The following CNTN5 variants were observed in gnomAD, a reference collection of about 807,000 sequenced individuals.
The protein encoded by CNTN5 is contactin-5.
CNTN5 carries 77 observed loss-of-function variants against 129.1 expected under a neutral mutation model. That is an observed-to-expected ratio of 0.60 (90% CI 0.50 to 0.72). The LOEUF is 0.72. Among genes scored for constraint, CNTN5 ranks in the 30% least tolerant of loss-of-function variants. The pLI is 0.00. For synonymous variants in CNTN5, 509 were observed against 465.6 expected, an observed-to-expected ratio of 1.09 and a Z score of -1.20; for missense variants, 1,478 against 1,328.8, an observed-to-expected ratio of 1.11 and a Z score of -1.75.
At chr11:99,043,504 G>C (rs1864089740) in intron 1 of CNTN5, among the ~76,000 whole-genome samples, 1 of 152,062 alleles carries the variant, frequency 6.6e-6, no homozygotes, top group African/African-American at 2.4e-5. Context: ...AATAACAGTA[G>C]AATATATAAT....
At chr11:99,548,033 G>C (rs766324761) in intron 2 of CNTN5, among the ~76,000 whole-genome samples, 3 of 152,296 alleles carry the variant, frequency 2.0e-5, no homozygotes, top group Non-Finnish European at 4.4e-5. Flanking sequence ...ACTTAGAACA[G>C]TACCTGGCAG....
intron 3 of CNTN5, among the ~76,000 whole-genome samples, chr11:99,571,453 G>A (rs1949171693): frequency 6.6e-6 from 1 of 152,070 alleles, no homozygotes; most frequent in African/African-American, 2.4e-5. Context: ...ATGTATTCAG[G>A]GGAGGGAAAC....
At chr11:99,748,453 G>T (rs1304475667) in intron 3 of CNTN5, among the ~76,000 whole-genome samples, 1 of 151,884 alleles carries the variant, frequency 6.6e-6, no homozygotes, top group Non-Finnish European at 1.5e-5. Context: ...TGTTAAAAAG[G>T]GGATTTATAA....
rs184434368 is a variant in CNTN5 at position 99,276,988 on chromosome 11, C to T, written c.-209-48358C>T. On this transcript the variant is annotated intron_variant, in intron 1 of 24. Transcript: ENST00000524871. Reference sequence around the variant, plus strand: ...GATATGTGATATAAACTTTAAAAAACAACTCTACTCATTTATTTCTATTAC... The same window carrying T: ...GATATGTGATATAAACTTTAAAAAATAACTCTACTCATTTATTTCTATTAC... 3.4e-3 allele frequency among the ~76,000 whole-genome samples: 520 copies of T among 151,644 alleles called. 14 individuals carry two copies. Among genetic ancestry groups the T allele is most frequent in the Middle Eastern group, 3.4e-3 (1 of 292 alleles).
chr11:100,308,213 C>G (rs1036469127), intron 20 of CNTN5, 146 bp from the exon 21 acceptor site: 41 of 651,498 alleles, frequency 6.3e-5, no homozygotes, highest in Non-Finnish European at 1.0e-4. Context: ...AAAGGATCAC[C>G]TTTATATTTT....
intron 8 of CNTN5, among the ~76,000 whole-genome samples, chr11:99,968,043 T>C (rs1951142274): frequency 6.6e-6 from 1 of 152,164 alleles, no homozygotes; most frequent in South Asian, 2.1e-4. Flanking sequence ...AGCAAAGATA[T>C]AGCAAAGCTG....
In CNTN5 at chr11:99,981,105, C is replaced by CACAT. The variant is rs1555171336; in HGVS notation, c.878-20926_878-20925insTACA. Among the ~76,000 whole-genome samples, 11 of 65,934 alleles carry CACAT rather than the reference C, an allele frequency of 1.7e-4. 1 individual carries two copies. The East Asian group carries it at 4.0e-3, about 24-fold the overall frequency. 43.3% of individuals were successfully genotyped at this position (65,934 alleles called of 152,430 possible). ...ATATATATATATATATATATATATA[C>CACAT]ACACACACACACATATATGAAAGAG... is the stretch of plus-strand genomic sequence containing the variant. On this transcript the variant is annotated intron_variant, in intron 8 of 24. Transcript: ENST00000524871.
chr11:99,670,321 C>T (rs1952980476), intron 3 of CNTN5, among the ~76,000 whole-genome samples: 1 of 152,066 alleles, frequency 6.6e-6, no homozygotes, highest in South Asian at 2.1e-4. Flanking sequence ...AAAGAAATCC[C>T]CATTGAAGAA....
chr11:99,439,320 A>C (rs1354884447), intron 2 of CNTN5, among the ~76,000 whole-genome samples: 1 of 151,868 alleles, frequency 6.6e-6, no homozygotes, highest in East Asian at 1.9e-4. Flanking sequence ...GTGTGTATAT[A>C]TATTTAAGAT....
intron 16 of CNTN5, among the ~76,000 whole-genome samples, chr11:100,236,832 G>A (rs1044894533): frequency 6.6e-6 from 1 of 152,116 alleles, no homozygotes; most frequent in African/African-American, 2.4e-5. Flanking sequence ...AGCCTGGAAT[G>A]TACAGCCTTT....
intron 16 of CNTN5, among the ~76,000 whole-genome samples, chr11:100,236,638 T>G (rs1012535986): frequency 1.3e-4 from 20 of 152,234 alleles, no homozygotes; most frequent in Admixed American, 3.3e-4. Context: ...CTTTGTGTGT[T>G]TCAGTCTCCA....
chr11:99,940,163 G>A (rs1950403712), intron 7 of CNTN5, among the ~76,000 whole-genome samples: 1 of 152,146 alleles, frequency 6.6e-6, no homozygotes, highest in African/African-American at 2.4e-5. Context: ...GCAGAGGACA[G>A]TCTCTCATGA....
intron 6 of CNTN5, among the ~76,000 whole-genome samples, chr11:99,846,514 T>C (rs1947704190): frequency 5.3e-5 from 8 of 152,054 alleles, no homozygotes; most frequent in Admixed American, 2.6e-4. Context: ...TAATAAGTAA[T>C]CCTACTTGAA....
intron 3 of CNTN5, among the ~76,000 whole-genome samples, chr11:99,786,092 A>G (rs1167481249): frequency 1.3e-5 from 2 of 152,138 alleles, no homozygotes; most frequent in African/African-American, 2.4e-5. Flanking sequence ...ACATGATTGT[A>G]TCTTTAGAAA....
chr11:99,486,880 A>G (rs1369629232), intron 2 of CNTN5, among the ~76,000 whole-genome samples: 2 of 152,126 alleles, frequency 1.3e-5, no homozygotes, highest in Non-Finnish European at 2.9e-5. Context: ...AAAATTTTTT[A>G]TTGGCTATAA....
chr11:100,040,386 G>T (rs529435086), intron 9 of CNTN5, among the ~76,000 whole-genome samples: 34 of 152,320 alleles, frequency 2.2e-4, no homozygotes, highest in Middle Eastern at 6.8e-3. Flanking sequence ...CCTACTTGGG[G>T]GTGCCTCCCA....
intron 3 of CNTN5, among the ~76,000 whole-genome samples, chr11:99,680,753 A>G (rs1953514774): frequency 6.6e-6 from 1 of 151,986 alleles, no homozygotes; most frequent in South Asian, 2.1e-4. Flanking sequence ...TAGAAGAATC[A>G]CCGGCTGTAG....
chr11:100,238,161 G>T (rs1949659340), intron 16 of CNTN5, among the ~76,000 whole-genome samples: 1 of 152,056 alleles, frequency 6.6e-6, no homozygotes, highest in Non-Finnish European at 1.5e-5. Flanking sequence ...AAGGTCTTTG[G>T]ATTACCAGAA....
chr11:99,754,047 A>G (rs1944330703), intron 3 of CNTN5, among the ~76,000 whole-genome samples: 1 of 151,900 alleles, frequency 6.6e-6, no homozygotes, highest in African/African-American at 2.4e-5. Context: ...GATACAACAC[A>G]TTTATGTGTG....
Sources: gnomAD v4.1 joint callset for allele counts (sites outside exome capture counted in the v4.1 genomes callset) on GRCh38, gnomAD v4.1.1 for gene constraint, MANE v1.5 for transcripts, NCBI Gene and HGNC (gene_info 2026-07-23, HGNC 2026-07-21) for gene names.